TAFA4: variants seen among roughly 807,000 people sequenced by gnomAD.
The protein encoded by TAFA4 is TAFA chemokine like family member 4.
Under a neutral mutation model 21.1 loss-of-function variants are expected in TAFA4, and 20 were observed. That is an observed-to-expected ratio of 0.95 (90% CI 0.67 to 1.38). The LOEUF (loss-of-function observed/expected upper bound fraction) is 1.38. TAFA4 is among the 40% of genes most tolerant of loss of function. The pLI, the probability that TAFA4 is intolerant of heterozygous loss-of-function variation, is 0.00. For missense variants in TAFA4, 211 were observed against 180.9 expected (o/e 1.17, Z -0.95); for synonymous variants, 71 against 67.4 (o/e 1.05, Z -0.26).
At chr3:68,818,038 A>G (rs559473217) in intron 3 of TAFA4, among the ~76,000 whole-genome samples, 4 of 152,288 alleles carry the variant, frequency 2.6e-5, no homozygotes, top group African/African-American at 9.6e-5. Context: ...ATTTTCTTCC[A>G]ATAGAAGTCT....
chr3:68,753,461 G>A (rs780775509), intron 3 of TAFA4, among the ~76,000 whole-genome samples: 11 of 149,676 alleles, frequency 7.3e-5, no homozygotes, highest in Admixed American at 1.3e-4. Flanking sequence ...TCAGCCTCCC[G>A]AGTAACTGGG....
At chr3:68,780,935 C>T (rs28758872) in intron 3 of TAFA4, among the ~76,000 whole-genome samples, 41,718 of 150,880 alleles carry the variant, frequency 0.28, 7,157 homozygotes, top group Non-Finnish European at 0.39. Context: ...AAAAGGCATA[C>T]CTGGCAGGTT....
chr3:68,814,673 C>G (rs1465163211), intron 3 of TAFA4, among the ~76,000 whole-genome samples: 1 of 152,154 alleles, frequency 6.6e-6, no homozygotes, highest in Non-Finnish European at 1.5e-5. Flanking sequence ...AGGATACAAA[C>G]ACATGGAAGA....
intron 3 of TAFA4, among the ~76,000 whole-genome samples, chr3:68,856,145 A>C (rs1169453466): frequency 6.6e-6 from 1 of 152,120 alleles, no homozygotes; most frequent in South Asian, 2.1e-4. Flanking sequence ...TGATTTGGTT[A>C]AACTACTCAG....
intron 1 of TAFA4, chr3:68,913,471 CA>C (rs1479560864): frequency 1.3e-5 from 2 of 152,138 alleles, no homozygotes; most frequent in Non-Finnish European, 2.9e-5. Flanking sequence ...GTGGTACCGC[CA>C]GCTAGGGCAG....
At chr3:68,734,668 G>A (rs570333954) in intron 5 of TAFA4, among the ~76,000 whole-genome samples, 98 of 152,208 alleles carry the variant, frequency 6.4e-4, no homozygotes, top group African/African-American at 2.2e-3. Flanking sequence ...GCCATGTTCT[G>A]TGATGGGGTA....
Position 68,732,967 on chromosome 3 carries a change from G to A in TAFA4, c.*175C>T, listed in dbSNP as rs755019148. 16 of 673,320 alleles carry A rather than the reference G, an allele frequency of 2.4e-5. No homozygotes were observed. The highest frequency in any genetic ancestry group is 5.8e-5 in the Admixed American group (2 of 34,294). The allele number at this position is 673,320 out of a possible 1,614,324, so 41.7% of individuals were successfully genotyped here. A position where few individuals can be genotyped will look rare whatever the true frequency, so the allele number is the denominator to read the frequency against. ...TTATAATTCAATGAAATAAAATCACGAAGCAGAGAGGGCTGGGCCAGTTAA... is the reference window on the plus strand; with the variant it reads ...TTATAATTCAATGAAATAAAATCACAAAGCAGAGAGGGCTGGGCCAGTTAA... On this transcript the variant is annotated 3_prime_UTR_variant, in exon 6 of 6. Transcript: ENST00000295569.
chr3:68,796,713 G>A (rs937987588), intron 3 of TAFA4, among the ~76,000 whole-genome samples: 6 of 152,144 alleles, frequency 3.9e-5, no homozygotes, highest in African/African-American at 1.4e-4. Context: ...CAGTTTGAGA[G>A]GAAGTATTTG....
intron 3 of TAFA4, among the ~76,000 whole-genome samples, chr3:68,868,039 A>G (rs1352156174): frequency 6.6e-6 from 1 of 152,070 alleles, no homozygotes; most frequent in Non-Finnish European, 1.5e-5. Context: ...TCTCCAACTA[A>G]AAGACATAGA....
intron 1 of TAFA4, among the ~76,000 whole-genome samples, chr3:68,894,308 AT>A (rs2089762183): frequency 6.6e-6 from 1 of 152,030 alleles, no homozygotes; most frequent in Admixed American, 6.6e-5. Context: ...ATAGGCACGC[AT>A]CCCCATGCCT....
At chr3:68,865,597 C>A (rs552338784) in intron 3 of TAFA4, among the ~76,000 whole-genome samples, 1 of 152,036 alleles carries the variant, frequency 6.6e-6, no homozygotes, top group Non-Finnish European at 1.5e-5. Flanking sequence ...AACTGTGAGT[C>A]GATTAAACCT....
chr3:68,780,328 G>C (rs1040903857), intron 3 of TAFA4, among the ~76,000 whole-genome samples: 1 of 152,198 alleles, frequency 6.6e-6, no homozygotes, highest in Non-Finnish European at 1.5e-5. Flanking sequence ...GGGAAGGCAT[G>C]ATTGGTTTTG....
At chr3:68,880,331 G>A (rs1309075660) in intron 3 of TAFA4, among the ~76,000 whole-genome samples, 1 of 151,788 alleles carries the variant, frequency 6.6e-6, no homozygotes, top group Non-Finnish European at 1.5e-5. Context: ...CTAAAGCCCT[G>A]TAAGTGTTAG....
At chr3:68,833,275 A>G (rs1704443798) in intron 3 of TAFA4, among the ~76,000 whole-genome samples, 1 of 152,066 alleles carries the variant, frequency 6.6e-6, no homozygotes, top group South Asian at 2.1e-4. Flanking sequence ...TTCTGTGTCA[A>G]TCTCGCTGGA....
intron 3 of TAFA4, among the ~76,000 whole-genome samples, chr3:68,769,089 C>T (rs1356874303): frequency 6.6e-6 from 1 of 152,228 alleles, no homozygotes; most frequent in Non-Finnish European, 1.5e-5. Context: ...AACTGGGCTG[C>T]ACAGCAGAAG....
intron 1 of TAFA4, among the ~76,000 whole-genome samples, chr3:68,920,221 C>G (rs887513091): frequency 3.9e-5 from 6 of 152,004 alleles, no homozygotes; most frequent in African/African-American, 1.4e-4. Context: ...CTCCAAGACA[C>G]CAGTAAGCAA....
intron 1 of TAFA4, among the ~76,000 whole-genome samples, chr3:68,910,333 C>A (rs1158037103): frequency 6.6e-6 from 1 of 152,168 alleles, no homozygotes; most frequent in East Asian, 1.9e-4. Flanking sequence ...AGTCACTTAA[C>A]ACACTCCAGC....
chr3:68,891,735 G>T (rs186124421), intron 1 of TAFA4, among the ~76,000 whole-genome samples: 1 of 152,122 alleles, frequency 6.6e-6, no homozygotes, highest in Non-Finnish European at 1.5e-5. Flanking sequence ...GGTAGGGATG[G>T]GGGGAGACTA....
At chr3:68,754,703 C>T (rs542351342) in intron 3 of TAFA4, among the ~76,000 whole-genome samples, 23 of 152,170 alleles carry the variant, frequency 1.5e-4, no homozygotes, top group Admixed American at 6.5e-4. Flanking sequence ...ATATCCCATT[C>T]TTTATCAAAC....
Sources: gnomAD v4.1 joint callset for allele counts (sites outside exome capture counted in the v4.1 genomes callset) on GRCh38, gnomAD v4.1.1 for gene constraint, MANE v1.5 for transcripts, NCBI Gene and HGNC (gene_info 2026-07-23, HGNC 2026-07-21) for gene names.